Variants in KCNH8 observed in about 807,000 individuals in gnomAD.
The protein encoded by KCNH8 is voltage-gated delayed rectifier potassium channel KCNH8.
A neutral mutation model predicts 103.6 loss-of-function variants in KCNH8; 70 were observed. That is an observed-to-expected ratio of 0.68 (90% CI 0.56 to 0.82). The LOEUF (loss-of-function observed/expected upper bound fraction) is 0.82, where lower values mean the gene tolerates loss of function less well. Among genes scored for constraint, KCNH8 ranks in the 40% least tolerant of loss-of-function variants. KCNH8 has a pLI of 0.00. For missense variants in KCNH8, 1,217 were observed against 1,329.9 expected (o/e 0.92, Z 1.32); for synonymous variants, 498 against 489.4 (o/e 1.02, Z -0.23).
chr3:19,297,160 C>T (rs1381435128), intron 3 of KCNH8, among the ~76,000 whole-genome samples: 1 of 152,058 alleles, frequency 6.6e-6, no homozygotes, highest in African/African-American at 2.4e-5. Context: ...GAAAAAAATA[C>T]TGAGATACCC....
chr3:19,460,207 G>C (rs1375806903), intron 11 of KCNH8, among the ~76,000 whole-genome samples: 1 of 152,000 alleles, frequency 6.6e-6, no homozygotes, highest in Non-Finnish European at 1.5e-5. Context: ...CAATCCTGAG[G>C]TCTAGCCTTT....
intron 11 of KCNH8, among the ~76,000 whole-genome samples, chr3:19,494,957 G>A (rs568777627): frequency 3.9e-5 from 6 of 152,106 alleles, no homozygotes; most frequent in African/African-American, 4.8e-5. Context: ...TAGTGATGAT[G>A]AGCATTTTTT....
At chr3:19,393,665 A>G (rs140750668) in intron 6 of KCNH8, among the ~76,000 whole-genome samples, 2,350 of 152,212 alleles carry the variant, frequency 0.015, 61 homozygotes, top group African/African-American at 0.052. Context: ...GCATCTGACC[A>G]TCTAGCTAAC....
chr3:19,329,755 G>T (rs898263007), intron 3 of KCNH8, among the ~76,000 whole-genome samples: 2 of 152,032 alleles, frequency 1.3e-5, no homozygotes, highest in African/African-American at 4.8e-5. Flanking sequence ...GAGAATAAAA[G>T]AAATTCCGAT....
intron 5 of KCNH8, among the ~76,000 whole-genome samples, chr3:19,371,860 A>G (rs1260313420): frequency 6.6e-6 from 1 of 150,644 alleles, no homozygotes; most frequent in African/African-American, 2.4e-5. Context: ...ACCATTTATT[A>G]AATAGGGAAT....
chr3:19,447,926 C>T (rs1031805883), intron 8 of KCNH8, among the ~76,000 whole-genome samples: 3 of 151,894 alleles, frequency 2.0e-5, no homozygotes, highest in East Asian at 1.9e-4. Flanking sequence ...TACATTCTTG[C>T]GTGTATCAAG....
intron 7 of KCNH8, among the ~76,000 whole-genome samples, chr3:19,421,395 T>A (rs2066949077): frequency 6.6e-6 from 1 of 152,182 alleles, no homozygotes; most frequent in Admixed American, 6.5e-5. Flanking sequence ...TGTTTCTTAA[T>A]ACAGTCATTC....
intron 2 of KCNH8, among the ~76,000 whole-genome samples, chr3:19,272,564 T>C (rs1451363794): frequency 1.3e-5 from 2 of 152,122 alleles, no homozygotes; most frequent in Non-Finnish European, 2.9e-5. Flanking sequence ...AGACACTTCC[T>C]TTCATCCAGT....
At chr3:19,448,159 T>A (rs1575077573) in intron 8 of KCNH8, among the ~76,000 whole-genome samples, 1 of 151,944 alleles carries the variant, frequency 6.6e-6, no homozygotes, top group Non-Finnish European at 1.5e-5. Context: ...AGGCACTTTT[T>A]AAAAAATACA....
intron 11 of KCNH8, among the ~76,000 whole-genome samples, chr3:19,485,264 C>T (rs1467627872): frequency 6.6e-6 from 1 of 152,164 alleles, no homozygotes; most frequent in Admixed American, 6.5e-5. Flanking sequence ...CCTCCACCTA[C>T]CTAGAGTAAG....
chr3:19,476,416 G>A (rs977380366), intron 11 of KCNH8, among the ~76,000 whole-genome samples: 2 of 152,060 alleles, frequency 1.3e-5, no homozygotes, highest in African/African-American at 2.4e-5. Flanking sequence ...TTTCTTAACC[G>A]ACCTGGTTTG....
intron 2 of KCNH8, among the ~76,000 whole-genome samples, chr3:19,260,734 C>A (rs2064423032): frequency 6.7e-6 from 1 of 148,174 alleles, no homozygotes; most frequent in South Asian, 2.1e-4. Flanking sequence ...TGTTTTGTAT[C>A]CTTTGAACTG....
intron 2 of KCNH8, among the ~76,000 whole-genome samples, chr3:19,269,685 T>C (rs144374685): frequency 2.0e-5 from 3 of 152,226 alleles, no homozygotes; most frequent in Admixed American, 1.3e-4. Flanking sequence ...GATTTACATA[T>C]CTTTCGCTTT....
chr3:19,260,583 G>T (rs11925510), intron 2 of KCNH8, among the ~76,000 whole-genome samples: 16,925 of 139,078 alleles, frequency 0.12, 3,354 homozygotes, highest in African/African-American at 0.41. Context: ...TTATCTCACA[G>T]AGTTACCCAC....
intron 15 of KCNH8, among the ~76,000 whole-genome samples, chr3:19,529,108 A>G (rs926404600): frequency 1.3e-5 from 2 of 152,162 alleles, no homozygotes; most frequent in African/African-American, 2.4e-5. Context: ...ATGGTGTGCA[A>G]GGGAGAAAAT....
chr3:19,380,090 A>G (rs973986720), intron 5 of KCNH8, among the ~76,000 whole-genome samples: 2 of 152,188 alleles, frequency 1.3e-5, no homozygotes, highest in Admixed American at 6.5e-5. Flanking sequence ...CAGCATTGGT[A>G]AGTTTTGAGA....
chr3:19,342,761 G>T, intron 4 of KCNH8, 47 bp downstream of exon 4: 1 of 1,530,422 alleles, frequency 6.5e-7, no homozygotes, highest in South Asian at 1.2e-5. Flanking sequence ...TTCCCCTGGT[G>T]GCAATGTTTG....
intron 3 of KCNH8, among the ~76,000 whole-genome samples, chr3:19,294,424 G>A (rs1434825388): frequency 6.6e-6 from 1 of 152,044 alleles, no homozygotes; most frequent in Non-Finnish European, 1.5e-5. Flanking sequence ...AAAAACACAT[G>A]CAAAATTTCT....
intron 1 of KCNH8, among the ~76,000 whole-genome samples, chr3:19,156,944 T>C (rs1285846560): frequency 1.3e-5 from 2 of 150,718 alleles, no homozygotes; most frequent in Non-Finnish European, 3.0e-5. Flanking sequence ...TAGTTAGCCC[T>C]CCAACTCTCA....
Sources: gnomAD v4.1 joint callset for allele counts (sites outside exome capture counted in the v4.1 genomes callset) on GRCh38, gnomAD v4.1.1 for gene constraint, MANE v1.5 for transcripts, NCBI Gene and HGNC (gene_info 2026-07-23, HGNC 2026-07-21) for gene names.